The following GGNBP2 variants were observed in gnomAD, a reference collection of about 807,000 sequenced individuals.
GGNBP2 encodes the protein gametogenetin-binding protein 2.
A neutral mutation model predicts 85.9 loss-of-function variants in GGNBP2; 10 were observed. The observed-to-expected ratio is 0.12, with a 90% CI of 0.07 to 0.20. The LOEUF (loss-of-function observed/expected upper bound fraction) is 0.20. Among genes scored for constraint, GGNBP2 ranks in the 10% least tolerant of loss-of-function variants. GGNBP2 has a pLI of 1.00. For synonymous variants in GGNBP2, 287 were observed against 285.7 expected, an observed-to-expected ratio of 1.00 and a Z score of -0.05; for missense variants, 595 against 857.8, an observed-to-expected ratio of 0.69 and a Z score of 3.83.
At chr17:36,566,514 A>G (rs1199721925) in intron 5 of GGNBP2, among the ~76,000 whole-genome samples, 1 of 151,878 alleles carries the variant, frequency 6.6e-6, no homozygotes, top group Non-Finnish European at 1.5e-5. Context: ...AAAATACAAA[A>G]AATAAAAAAA....
intron 6 of GGNBP2, among the ~76,000 whole-genome samples, chr17:36,573,732 AGGT>A (rs2074549293): frequency 6.6e-6 from 1 of 152,120 alleles, no homozygotes; most frequent in African/African-American, 2.4e-5. Flanking sequence ...AGTTGGTTTA[AGGT>A]GATATCTCAT....
At chr17:36,574,043 TA>T (rs2074552339) in intron 6 of GGNBP2, among the ~76,000 whole-genome samples, 1 of 152,158 alleles carries the variant, frequency 6.6e-6, no homozygotes, top group Non-Finnish European at 1.5e-5. Flanking sequence ...GGTTTGCAAA[TA>T]TTTTTTCCCA....
chr17:36,545,560 C>G, intron 1 of GGNBP2, 59 bp from the exon 2 acceptor site: 1 of 590,676 alleles, frequency 1.7e-6, no homozygotes, highest in Non-Finnish European at 3.0e-6. Flanking sequence ...CCCTGCCCCC[C>G]GTGGCGAATG....
intron 1 of GGNBP2, 199 bp from the exon 2 acceptor site, chr17:36,545,420 C>CGGGAGAGAGGGA: frequency 5.2e-6 from 1 of 194,000 alleles, no homozygotes; most frequent in Non-Finnish European, 8.1e-6. Flanking sequence ...GGCGGGCGGG[C>CGGGAGAGAGGGA]GGGAGAGAGG....
chr17:36,545,374 C>T (rs979544338), intron 1 of GGNBP2: 1 of 264,370 alleles, frequency 3.8e-6, no homozygotes, highest in South Asian at 1.3e-4. Flanking sequence ...GTCCCTTCCG[C>T]CTCTCCTTTG....
Position 36,556,389 on chromosome 17 carries a change from A to G in GGNBP2, c.175-694A>G, listed in dbSNP as rs191752078. ...ACATAGTGATAGTAAGTGTGTTGTT[A>G]AAAGTTGTCAAAACAAAACAAAACA... is the stretch of plus-strand genomic sequence containing the variant. On this transcript the variant is annotated intron_variant, in intron 3 of 13. Coordinates refer to ENST00000613102, the MANE Select transcript of GGNBP2 (RefSeq NM_024835.5). 1.7e-3 allele frequency among the ~76,000 whole-genome samples: 257 copies of G among 152,314 alleles called. 1 individual carries two copies. Among genetic ancestry groups the G allele is most frequent in the African/African-American group, 5.9e-3 (247 of 41,572 alleles).
intron 2 of GGNBP2, among the ~76,000 whole-genome samples, chr17:36,551,617 G>A (rs2142686234): frequency 6.6e-6 from 1 of 152,054 alleles, no homozygotes; most frequent in African/African-American, 2.4e-5. Context: ...GCCTCGGAGA[G>A]TGGATCACCT....
intron 9 of GGNBP2, chr17:36,582,406 A>G (rs1197890403): frequency 6.6e-6 from 1 of 152,146 alleles, no homozygotes; most frequent in Non-Finnish European, 1.5e-5. Context: ...AACTGTTTAA[A>G]TAGTTGTTAT....
At position 36,578,258 on chromosome 17, in the gene GGNBP2, C is replaced by T. The variant is rs984664401; in HGVS notation, c.845+72C>T. ...CATTTTATTACTGAAAGTTTATTTT[C>T]ATCACCTTCTGCCTCAGTACATATG... On this transcript the variant is annotated intron_variant, in intron 7 of 13. Coordinates refer to ENST00000613102, the MANE Select transcript of GGNBP2 (RefSeq NM_024835.5). The T allele has an allele frequency of 9.7e-6, 11 of 1,134,826 alleles. No homozygotes were observed. In the East Asian group the frequency reaches 1.7e-4, roughly 17 times the overall value. 70.3% of individuals were successfully genotyped at this position (1,134,826 alleles called of 1,614,324 possible).
At position 36,589,297 on chromosome 17, in the gene GGNBP2, C is replaced by A. The variant is rs765283330; in HGVS notation, c.1980C>A (p.Ser660Arg). 1 of 1,611,794 alleles carries A rather than the reference C, an allele frequency of 6.2e-7. No homozygotes were observed. Among genetic ancestry groups the A allele is most frequent in the Non-Finnish European group, 8.5e-7 (1 of 1,177,978 alleles). ...TGGCTAATAACCAGTCTTTCTACAGCAATAGAGAACAATACCGACAGCATC... is the reference window on the plus strand; with the variant it reads ...TGGCTAATAACCAGTCTTTCTACAGAAATAGAGAACAATACCGACAGCATC... ...SFMANNQSFY[S>R]NREQYRQHLK... is the part of the protein sequence containing the mutation. The change falls in exon 14 of 14, where the codon AGC (serine) becomes AGA (arginine). Residue 660 changes from serine (S) to arginine (R), a missense_variant. Physicochemically the swap from Ser to Arg is moderately radical, Grantham distance 110. Transcript: ENST00000613102.
rs2074481824 is a variant in GGNBP2, at chr17:36,567,678, T to C, written c.543T>C (p.Asp181=). Residue 181 remains aspartate, a synonymous_variant, in exon 6 of 14, where the codon GAT becomes GAC. Coordinates refer to ENST00000613102, the MANE Select transcript of GGNBP2 (RefSeq NM_024835.5). ...KPKPLGGCWM[D]VWELMSQECR... Reference sequence around the variant, plus strand: ...CTTTCTACAGAGGTTGTTGGATGGATGTATGGGAACTAATGTCGCAGGAAT... The same window carrying C: ...CTTTCTACAGAGGTTGTTGGATGGACGTATGGGAACTAATGTCGCAGGAAT... 1 of 1,587,260 alleles carries C rather than the reference T, an allele frequency of 6.3e-7. No homozygotes were observed. The highest frequency in any genetic ancestry group is 1.1e-5 in the South Asian group (1 of 90,208).
chr17:36,552,215 A>G (rs2074316138), intron 2 of GGNBP2, among the ~76,000 whole-genome samples: 1 of 152,238 alleles, frequency 6.6e-6, no homozygotes, highest in Non-Finnish European at 1.5e-5. Flanking sequence ...ATACCTTTTT[A>G]ATGACTTGAC....
intron 6 of GGNBP2, among the ~76,000 whole-genome samples, chr17:36,568,968 A>T (rs1555606325): frequency 6.6e-6 from 1 of 152,022 alleles, no homozygotes; most frequent in African/African-American, 2.4e-5. Context: ...GTTTGCCAGG[A>T]TGGTCTCAGT....
At chr17:36,547,098 G>A (rs185599173) in intron 2 of GGNBP2, 59 of 152,342 alleles carry the variant, frequency 3.9e-4, no homozygotes, top group African/African-American at 1.4e-3. Flanking sequence ...AAAGTAAATA[G>A]TGTTGATGCA....
rs1375019583 is a variant in GGNBP2, at chr17:36,557,224, T to A, written c.316T>A (p.Ser106Thr). The A allele has an allele frequency of 3.1e-6, 5 of 1,613,834 alleles. No homozygotes were observed. Among genetic ancestry groups the A allele is most frequent in the Non-Finnish European group, 8.5e-7 (1 of 1,179,994 alleles). Reference protein sequence around the residue: ...VERLFSQLVESGNPALEPLTV... With the variant: ...VERLFSQLVETGNPALEPLTV... ...GCGTCTCTTTTCCCAGCTTGTAGAG[T>A]CTGGAAATCCTGCTCTTGAACCCCT... Residue 106 changes from serine to threonine, a missense_variant, in exon 4 of 14, where the codon TCT (serine) becomes ACT (threonine). Around this residue, in one of 9 missense-constraint regions of GGNBP2, gnomAD observed 216 missense variants for 293.4 expected, o/e 0.74. Coordinates refer to ENST00000613102, the MANE Select transcript of GGNBP2 (RefSeq NM_024835.5).
intron 9 of GGNBP2, among the ~76,000 whole-genome samples, chr17:36,584,990 G>T (rs948407069): frequency 6.6e-6 from 1 of 152,014 alleles, no homozygotes; most frequent in Non-Finnish European, 1.5e-5. Context: ...TGTATTTGTG[G>T]TTGATATCTG....
intron 5 of GGNBP2, among the ~76,000 whole-genome samples, chr17:36,562,901 G>A (rs1475430225): frequency 6.8e-6 from 1 of 147,476 alleles, no homozygotes; most frequent in African/African-American, 2.5e-5. Context: ...AGAGGTGGAG[G>A]TTGCAGTGAG....
rs777491091 is a variant in GGNBP2, at chr17:36,567,743, T to C, written c.608T>C (p.Leu203Ser). 2.5e-6 allele frequency: 4 copies of C among 1,594,540 alleles called. No individual in the cohort carries two copies. Among genetic ancestry groups the C allele is most frequent in the Non-Finnish European group, 3.4e-6 (4 of 1,162,440 alleles). Residue 203 changes from leucine (L) to serine (S), a missense_variant, in exon 6 of 14, where the codon TTA (leucine) becomes TCA (serine). Leu to Ser is a moderately radical substitution (Grantham distance 145). Around this residue, in one of 9 missense-constraint regions of GGNBP2, gnomAD observed 216 missense variants for 293.4 expected, o/e 0.74. Transcript: ENST00000613102. Reference protein sequence around the residue: ...EVVLIDSSCLLETLETYLRKH... With the variant: ...EVVLIDSSCLSETLETYLRKH... Reference sequence around the variant, plus strand: ...GTTTTAATTGACTCGAGTTGTCTTTTAGAAACACTAGAAACATATCTGCGA... The same window carrying C: ...GTTTTAATTGACTCGAGTTGTCTTTCAGAAACACTAGAAACATATCTGCGA...
chr17:36,547,001 T>A (rs1469809306), intron 2 of GGNBP2: 1 of 152,236 alleles, frequency 6.6e-6, no homozygotes, highest in Non-Finnish European at 1.5e-5. Flanking sequence ...TGACTTAATT[T>A]ATTAGAAGTT....
Sources: allele counts gnomAD v4.1 joint callset (sites outside exome capture counted in the v4.1 genomes callset), GRCh38; gene constraint gnomAD v4.1.1; regional missense constraint gnomAD v4.1.1; transcripts MANE v1.5; gene names NCBI Gene and HGNC (gene_info 2026-07-23, HGNC 2026-07-21).